DMD: variants seen among roughly 807,000 people sequenced by gnomAD.
DMD encodes the protein dystrophin, also known as mutant dystrophin.
Under a neutral mutation model 330.1 loss-of-function variants are expected in DMD, and 63 were observed. The ratio of observed to expected loss-of-function variants is 0.19; its 90% CI spans 0.16 to 0.24. The LOEUF (loss-of-function observed/expected upper bound fraction) is 0.24. DMD is among the 10% of genes least tolerant of loss of function. The probability of loss-of-function intolerance (pLI) is 1.00; values close to 1 mark genes in which losing one functional copy is unlikely to be tolerated. For synonymous variants in DMD, 1,223 were observed against 959.8 expected, an observed-to-expected ratio of 1.27 and a Z score of -5.07; for missense variants, 3,344 against 2,684.1, an observed-to-expected ratio of 1.25 and a Z score of -5.43.
intron 44 of DMD, among the ~76,000 whole-genome samples, chrX:32,214,243 A>T (rs868670832): frequency 1.2e-5 from 1 of 80,790 alleles, no homozygotes; most frequent in Non-Finnish European, 2.5e-5. Flanking sequence ...AAAAAAAAAA[A>T]AAAAGACAAA....
intron 43 of DMD, among the ~76,000 whole-genome samples, chrX:32,233,969 A>C (rs777245324): frequency 9.0e-6 from 1 of 111,127 alleles, no homozygotes; most frequent in South Asian, 3.8e-4. Context: ...CCAAAATTGT[A>C]TATATATGTA....
chrX:32,551,711 A>G (rs994263987), intron 16 of DMD, among the ~76,000 whole-genome samples: 3 of 111,414 alleles, frequency 2.7e-5, no homozygotes, highest in African/African-American at 9.8e-5. Flanking sequence ...TTTGCAGACG[A>G]TGAGGTTCTA....
rs756247547 is a variant in DMD, at chrX:31,477,471, C to T, written c.8937+635G>A. 6.3e-5 allele frequency among the ~76,000 whole-genome samples: 7 copies of T among 111,514 alleles called. No individual in the cohort carries two copies. In the South Asian group the frequency reaches 1.9e-3, roughly 30 times the overall value. ...TAGTTGCTGATTTCAAAATGATACTCCTAAATATGTATTTTTTTCTACAGA... is the reference window on the plus strand; with the variant it reads ...TAGTTGCTGATTTCAAAATGATACTTCTAAATATGTATTTTTTTCTACAGA... On this transcript the variant is annotated intron_variant, in intron 59 of 78. Transcript: ENST00000357033.
At chrX:31,863,084 C>T (rs929608845) in intron 48 of DMD, among the ~76,000 whole-genome samples, 2 of 112,936 alleles carry the variant, frequency 1.8e-5, no homozygotes, top group Non-Finnish European at 3.7e-5. Flanking sequence ...TGGCTCACGC[C>T]TGTAATCCCA....
rs1447450667 is a variant in DMD at position 33,234,362 on chromosome X, T to A, written c.7+104897A>T. Among the ~76,000 whole-genome samples the A allele has an allele frequency of 2.7e-5, 3 of 110,824 alleles. No individual in the cohort carries two copies. The East Asian group carries it at 8.5e-4, about 31-fold the overall frequency. On this transcript the variant is annotated intron_variant, in intron 1 of 17. Coordinates refer to the DMD transcript ENST00000288447. ...CTTAATAGATGGGTGTGTGTGTGTGTTTGTGTGTGCGTCTATGTGTGTGTG... is the reference window on the plus strand; with the variant it reads ...CTTAATAGATGGGTGTGTGTGTGTGATTGTGTGTGCGTCTATGTGTGTGTG...
intron 7 of DMD, among the ~76,000 whole-genome samples, chrX:32,762,781 A>T (rs1460852121): frequency 9.0e-6 from 1 of 111,056 alleles, no homozygotes; most frequent in Non-Finnish European, 1.9e-5. Flanking sequence ...TTCAGACTCC[A>T]GACATTTTTC....
intron 22 of DMD, among the ~76,000 whole-genome samples, chrX:32,469,486 C>T (rs2040395851): frequency 9.0e-6 from 1 of 110,745 alleles, no homozygotes. Context: ...ATTCTTTCCC[C>T]TATAATGTGA....
intron 45 of DMD, among the ~76,000 whole-genome samples, chrX:31,939,348 G>A (rs1488467070): frequency 8.9e-6 from 1 of 111,813 alleles, no homozygotes; most frequent in Non-Finnish European, 1.9e-5. Flanking sequence ...TCCTGAGGGG[G>A]ATAATATATC....
intron 42 of DMD, among the ~76,000 whole-genome samples, chrX:32,299,497 A>G (rs2097512617): frequency 1.0e-5 from 1 of 98,212 alleles, no homozygotes; most frequent in South Asian, 4.8e-4. Context: ...TATTCTTCAG[A>G]CACATCCTTC....
chrX:32,182,579 C>G (rs766093724), intron 44 of DMD, among the ~76,000 whole-genome samples: 1 of 111,377 alleles, frequency 9.0e-6, no homozygotes, highest in African/African-American at 3.3e-5. Context: ...TACATGGCAT[C>G]AATTGTTATA....
intron 6 of DMD, among the ~76,000 whole-genome samples, chrX:32,811,718 C>T (rs1290294215): frequency 9.0e-6 from 1 of 111,462 alleles, no homozygotes; most frequent in Non-Finnish European, 1.9e-5. Context: ...AATGAAGAAG[C>T]CATATGAATT....
intron 44 of DMD, among the ~76,000 whole-genome samples, chrX:32,079,899 T>C (rs1377293542): frequency 8.9e-6 from 1 of 112,029 alleles, no homozygotes; most frequent in African/African-American, 3.2e-5. Context: ...AAACTTTTGT[T>C]GAATTCTGAA....
chrX:33,049,933 T>C (rs2094436950), intron 1 of DMD, among the ~76,000 whole-genome samples: 1 of 111,827 alleles, frequency 8.9e-6, no homozygotes, highest in Non-Finnish European at 1.9e-5. Flanking sequence ...TCCCACAGTA[T>C]TTGCAAATAT....
At chrX:33,230,335 G>A (rs1285559950) in intron 1 of DMD, among the ~76,000 whole-genome samples, 2 of 110,945 alleles carry the variant, frequency 1.8e-5, no homozygotes, top group East Asian at 5.6e-4. Context: ...TTATATTGCA[G>A]TATTAACCTG....
intron 44 of DMD, among the ~76,000 whole-genome samples, chrX:32,152,587 C>T (rs4829249): frequency 0.027 from 2,974 of 111,456 alleles, 117 homozygotes; most frequent in Admixed American, 0.15. Context: ...TAAAAGTATG[C>T]CCTGCCCTTT....
chrX:33,330,320 C>T lies in DMD; in HGVS notation c.7+8939G>A, dbSNP rs760008927. Reference sequence around the variant, plus strand: ...GATGTTGAAATTGGATAAAACCTTACGGATTATCTAACACAATTTCTTATT... The same window carrying T: ...GATGTTGAAATTGGATAAAACCTTATGGATTATCTAACACAATTTCTTATT... On this transcript the variant is annotated intron_variant, in intron 1 of 17. Transcript: ENST00000288447. 9.0e-5 allele frequency among the ~76,000 whole-genome samples: 10 copies of T among 111,306 alleles called. No individual in the cohort carries two copies. In the South Asian group the frequency reaches 3.7e-3, roughly 41 times the overall value.
rs779896082 is a variant in DMD, at chrX:31,467,688, T to G, written c.8937+10418A>C. 1.2e-4 allele frequency among the ~76,000 whole-genome samples: 13 copies of G among 111,827 alleles called. No individual in the cohort carries two copies. The Admixed American group carries it at 1.2e-3, about 11-fold the overall frequency. Reference sequence around the variant, plus strand: ...GATGATGCTGGCCTCATAAAAAGAGTTAGGGAGGAGTCCCTCTTTTCCTAT... The same window carrying G: ...GATGATGCTGGCCTCATAAAAAGAGGTAGGGAGGAGTCCCTCTTTTCCTAT... On this transcript the variant is annotated intron_variant, in intron 59 of 78. Transcript: ENST00000357033.
At chrX:31,298,845 T>C (rs1451292087) in intron 62 of DMD, among the ~76,000 whole-genome samples, 14 of 112,004 alleles carry the variant, frequency 1.2e-4, no homozygotes, top group African/African-American at 4.5e-4. Flanking sequence ...ATGATCCACA[T>C]TGCAATTTTT....
chrX:31,501,944 C>T (rs1220657259), intron 56 of DMD, among the ~76,000 whole-genome samples: 1 of 111,228 alleles, frequency 9.0e-6, no homozygotes, highest in Non-Finnish European at 1.9e-5. Flanking sequence ...ATGGAAAAGA[C>T]TAGAGAACCC....
Sources: allele counts gnomAD v4.1 joint callset (sites outside exome capture counted in the v4.1 genomes callset), GRCh38; gene constraint gnomAD v4.1.1; transcripts MANE v1.5; gene names NCBI Gene and HGNC (gene_info 2026-07-23, HGNC 2026-07-21).